Variants in NFIB observed in about 807,000 individuals in gnomAD.
The protein encoded by NFIB is nuclear factor I B, also known as nuclear factor 1 B-type.
A neutral mutation model predicts 61.5 loss-of-function variants in NFIB; 11 were observed. The observed-to-expected ratio is 0.18, with a 90% CI of 0.11 to 0.30. The LOEUF is 0.30. Among genes scored for constraint, NFIB ranks in the 10% least tolerant of loss-of-function variants. The probability of loss-of-function intolerance (pLI) is 1.00; values close to 1 mark genes in which losing one functional copy is unlikely to be tolerated. For synonymous variants in NFIB, 260 were observed against 216.5 expected, an observed-to-expected ratio of 1.20 and a Z score of -1.76; for missense variants, 471 against 608.9, an observed-to-expected ratio of 0.77 and a Z score of 2.38.
chr9:14,486,690 T>C, the NFIB span, among the ~76,000 whole-genome samples: 1 of 131,376 alleles, frequency 7.6e-6, no homozygotes, highest in East Asian at 2.1e-4. Context: ...TATGTATGCA[T>C]GTAAATACAC....
chr9:14,481,426 C>T, the NFIB span, among the ~76,000 whole-genome samples: 1 of 150,994 alleles, frequency 6.6e-6, no homozygotes, highest in Non-Finnish European at 1.5e-5. Flanking sequence ...CCAAAAAAAC[C>T]TCTTGCATTA....
At chr9:14,358,193 TA>T (rs955124631) in intron 1 of NFIB, among the ~76,000 whole-genome samples, 2 of 149,474 alleles carry the variant, frequency 1.3e-5, no homozygotes, top group African/African-American at 4.9e-5. Context: ...TATTTATTGA[TA>T]TATAACTCAT....
At chr9:14,352,955 G>A (rs910243747) in intron 1 of NFIB, among the ~76,000 whole-genome samples, 1 of 152,196 alleles carries the variant, frequency 6.6e-6, no homozygotes, top group Non-Finnish European at 1.5e-5. Context: ...AGTAGAAGAG[G>A]ATGCTCATTT....
chr9:14,427,933 AGTT>A, the NFIB span, among the ~76,000 whole-genome samples: 2 of 29,538 alleles, frequency 6.8e-5, no homozygotes, highest in Non-Finnish European at 1.6e-4. Context: ...TCTTTAATTC[AGTT>A]GTTTTTTTTT....
At chr9:14,430,558 C>G in the NFIB span, among the ~76,000 whole-genome samples, 2 of 149,982 alleles carry the variant, frequency 1.3e-5, no homozygotes, top group East Asian at 3.9e-4. Flanking sequence ...GAATGGCTTG[C>G]CTTTTCCCTG....
At chr9:14,250,401 G>C (rs2055458833) in intron 2 of NFIB, among the ~76,000 whole-genome samples, 1 of 152,194 alleles carries the variant, frequency 6.6e-6, no homozygotes, top group African/African-American at 2.4e-5. Flanking sequence ...GAAGATCAAA[G>C]AGGAGGCAGA....
chr9:14,380,889 A>G (rs911002347), intron 1 of NFIB, among the ~76,000 whole-genome samples: 7 of 151,830 alleles, frequency 4.6e-5, no homozygotes, highest in African/African-American at 1.7e-4. Context: ...GCTGTCACTA[A>G]TTCACCTCAT....
At chr9:14,492,145 C>A in the NFIB span, among the ~76,000 whole-genome samples, 1 of 152,040 alleles carries the variant, frequency 6.6e-6, no homozygotes, top group East Asian at 1.9e-4. Context: ...GGGTGGATCA[C>A]AAGGTCAGGA....
chr9:14,201,412 C>T (rs991858990), intron 2 of NFIB, among the ~76,000 whole-genome samples: 3 of 152,212 alleles, frequency 2.0e-5, no homozygotes, highest in African/African-American at 7.2e-5. Context: ...CTAGAATATG[C>T]CGTGCAACTG....
At chr9:14,157,818 A>G (rs1468037565) in intron 3 of NFIB, among the ~76,000 whole-genome samples, 1 of 152,178 alleles carries the variant, frequency 6.6e-6, no homozygotes, top group Non-Finnish European at 1.5e-5. Flanking sequence ...TTTATTTTAT[A>G]TAGGGTAAAC....
intron 6 of NFIB, among the ~76,000 whole-genome samples, chr9:14,136,382 G>C (rs2041047797): frequency 6.6e-6 from 1 of 152,064 alleles, no homozygotes; most frequent in Admixed American, 6.6e-5. Context: ...TGCCTCTCGG[G>C]AAAACCTCTT....
At chr9:14,316,666 A>C (rs1588296620), upstream of NFIB, among the ~76,000 whole-genome samples, 1 of 152,190 alleles carries the variant, frequency 6.6e-6, no homozygotes, top group Non-Finnish European at 1.5e-5. Context: ...ACCTCATCTT[A>C]GATTAAACAC....
the NFIB span, among the ~76,000 whole-genome samples, chr9:14,469,633 T>G: frequency 1.3e-5 from 2 of 152,202 alleles, no homozygotes; most frequent in Non-Finnish European, 2.9e-5. Context: ...TCTCCTGCAT[T>G]TAACTAGCTA....
intron 3 of NFIB, among the ~76,000 whole-genome samples, chr9:14,169,578 G>A (rs2045329776): frequency 6.6e-6 from 1 of 152,108 alleles, no homozygotes; most frequent in South Asian, 2.1e-4. Context: ...CCCAGCACTT[G>A]AGGAGGCCAG....
intron 1 of NFIB, among the ~76,000 whole-genome samples, chr9:14,348,815 G>A (rs1045228139): frequency 3.3e-5 from 5 of 152,232 alleles, no homozygotes; most frequent in Non-Finnish European, 7.3e-5. Flanking sequence ...CTCTGTGCTG[G>A]GCCCCTGGCT....
the NFIB span, among the ~76,000 whole-genome samples, chr9:14,485,151 T>G: frequency 1.3e-5 from 2 of 152,226 alleles, no homozygotes; most frequent in Non-Finnish European, 2.9e-5. Flanking sequence ...ACAGTCACAC[T>G]GGGGATTAGA....
intron 10 of NFIB, among the ~76,000 whole-genome samples, chr9:14,091,254 T>TAA (rs539772846): frequency 6.9e-6 from 1 of 145,354 alleles, no homozygotes; most frequent in Non-Finnish European, 1.5e-5. Context: ...GTAGTCCTGT[T>TAA]AAAAAAAAAA....
intron 1 of NFIB, among the ~76,000 whole-genome samples, chr9:14,374,859 A>G (rs911883939): frequency 6.6e-6 from 1 of 152,154 alleles, no homozygotes; most frequent in Admixed American, 6.5e-5. Context: ...GCAGTGAGAC[A>G]AGATTGCGCC....
intron 8 of NFIB, among the ~76,000 whole-genome samples, chr9:14,118,239 G>C (rs766401): frequency 0.13 from 19,997 of 152,014 alleles, 3,108 homozygotes; most frequent in African/African-American, 0.36. Flanking sequence ...AAGAAGACAG[G>C]TCTCATTTTA....
Sources: gnomAD v4.1 joint callset for allele counts (sites outside exome capture counted in the v4.1 genomes callset) on GRCh38, gnomAD v4.1.1 for gene constraint, MANE v1.5 for transcripts, NCBI Gene and HGNC (gene_info 2026-07-23, HGNC 2026-07-21) for gene names.